The following NUP93 variants were observed in gnomAD, a reference collection of about 807,000 sequenced individuals.
The protein encoded by NUP93 is nucleoporin 93, also known as nuclear pore complex protein Nup93.
In NUP93, 55 loss-of-function variants were observed where a neutral mutation model predicts 107.8. The observed-to-expected ratio is 0.51, with a 90% CI of 0.41 to 0.64. The LOEUF (loss-of-function observed/expected upper bound fraction) is 0.64, where lower values mean the gene tolerates loss of function less well. Among genes scored for constraint, NUP93 ranks in the 30% least tolerant of loss-of-function variants. The pLI is 0.00. For synonymous variants in NUP93, 390 were observed against 397.5 expected (o/e 0.98, Z 0.22); for missense variants, 937 against 1,044.7 (o/e 0.90, Z 1.42).
intron 3 of NUP93, 28 bp downstream of exon 3, chr16:56,758,683 C>G: frequency 6.6e-7 from 1 of 1,518,334 alleles, no homozygotes; most frequent in African/African-American, 1.4e-5. Context: ...CAGGTGGAAC[C>G]CAGAGCATAT....
chr16:56,734,154 A>G (rs1961575484), intron 1 of NUP93, among the ~76,000 whole-genome samples: 2 of 152,270 alleles, frequency 1.3e-5, no homozygotes, highest in African/African-American at 2.4e-5. Context: ...TTGATAACAT[A>G]CTACCAACGA....
At chr16:56,745,857 C>T (rs1961812434) in intron 1 of NUP93, among the ~76,000 whole-genome samples, 1 of 152,048 alleles carries the variant, frequency 6.6e-6, no homozygotes, top group African/African-American at 2.4e-5. Context: ...TTTATTAGAC[C>T]ATGTTAAAGT....
chr16:56,794,258 A>C (rs1271990416), intron 3 of NUP93, among the ~76,000 whole-genome samples: 1 of 152,118 alleles, frequency 6.6e-6, no homozygotes, highest in African/African-American at 2.4e-5. Flanking sequence ...TAAAATTCAA[A>C]ATCTATTTTG....
chr16:56,815,859 ACTGCTACTG>A (rs1567402492), intron 5 of NUP93, among the ~76,000 whole-genome samples: 1 of 84,942 alleles, frequency 1.2e-5, no homozygotes, highest in East Asian at 2.9e-4. Context: ...TCCAGCTACT[ACTGCTACTG>A]CTGCTGCTGC....
chr16:56,779,505 C>T (rs1355828093), intron 3 of NUP93, among the ~76,000 whole-genome samples: 4 of 152,126 alleles, frequency 2.6e-5, no homozygotes, highest in East Asian at 3.8e-4. Flanking sequence ...CAGTTAGTGA[C>T]GAGTAAGTAG....
intron 3 of NUP93, among the ~76,000 whole-genome samples, chr16:56,780,290 G>A (rs1962489775): frequency 6.6e-6 from 1 of 152,202 alleles, no homozygotes; most frequent in Non-Finnish European, 1.5e-5. Flanking sequence ...GTTAGGGTAA[G>A]AAAACTAGAA....
chr16:56,797,265 A>G (rs1962921550), intron 3 of NUP93, among the ~76,000 whole-genome samples: 1 of 152,234 alleles, frequency 6.6e-6, no homozygotes, highest in South Asian at 2.1e-4. Flanking sequence ...GTGATTTTAG[A>G]CATGTATAAA....
chr16:56,840,532 A>C (rs1027951477), intron 20 of NUP93, among the ~76,000 whole-genome samples: 1 of 152,200 alleles, frequency 6.6e-6, no homozygotes. Context: ...GCTGCAGCCC[A>C]GACCTCCCCC....
intron 1 of NUP93, among the ~76,000 whole-genome samples, chr16:56,737,311 G>A (rs1306003798): frequency 6.6e-6 from 1 of 152,124 alleles, no homozygotes; most frequent in African/African-American, 2.4e-5. Context: ...GAGGTAGGTG[G>A]AGGAAAGCAA....
At chr16:56,811,185 A>G (rs563589604) in intron 5 of NUP93, among the ~76,000 whole-genome samples, 1 of 152,196 alleles carries the variant, frequency 6.6e-6, no homozygotes, top group African/African-American at 2.4e-5. Flanking sequence ...GATACTGCCA[A>G]ACTGTTTTCC....
At chr16:56,757,692 A>C (rs1233483831) in intron 2 of NUP93, among the ~76,000 whole-genome samples, 3 of 152,166 alleles carry the variant, frequency 2.0e-5, no homozygotes. Context: ...ACAGCCTCCT[A>C]TATTATTAGA....
At chr16:56,753,097 C>T (rs541008422) in intron 2 of NUP93, among the ~76,000 whole-genome samples, 61 of 152,170 alleles carry the variant, frequency 4.0e-4, no homozygotes, top group African/African-American at 1.3e-3. Context: ...ACTCATTGAT[C>T]GCCTTTGGAG....
chr16:56,844,172 A>G (rs531130627), intron 21 of NUP93, among the ~76,000 whole-genome samples: 2 of 152,224 alleles, frequency 1.3e-5, no homozygotes, highest in Non-Finnish European at 2.9e-5. Context: ...TGGAGCAGGC[A>G]GTTCTGAAGC....
intron 1 of NUP93, among the ~76,000 whole-genome samples, chr16:56,733,763 CT>C (rs1371924342): frequency 6.6e-6 from 1 of 152,134 alleles, no homozygotes; most frequent in East Asian, 1.9e-4. Flanking sequence ...ACTTATTTGC[CT>C]TGTATTAATG....
At chr16:56,817,214 G>A (rs1034532783) in intron 5 of NUP93, among the ~76,000 whole-genome samples, 24 of 152,130 alleles carry the variant, frequency 1.6e-4, no homozygotes, top group African/African-American at 5.8e-4. Context: ...ATCTGAGGAG[G>A]TGCTTTGCTT....
chr16:56,730,838 C>T (rs1961522985), intron 1 of NUP93, among the ~76,000 whole-genome samples: 1 of 152,204 alleles, frequency 6.6e-6, no homozygotes, highest in Admixed American at 6.5e-5. Flanking sequence ...GGGGCCGACC[C>T]CATGGGTCCT....
intron 15 of NUP93, 76 bp from the exon 16 acceptor site, chr16:56,834,658 C>CT (rs1423028266): frequency 1.0e-5 from 14 of 1,381,314 alleles, no homozygotes; most frequent in East Asian, 2.3e-5. Flanking sequence ...TGATTCCCCT[C>CT]TTTTTTCTCT....
At chr16:56,844,061 C>T (rs1344655075) in intron 21 of NUP93, among the ~76,000 whole-genome samples, 2 of 152,304 alleles carry the variant, frequency 1.3e-5, no homozygotes, top group East Asian at 1.9e-4. Flanking sequence ...CAGTCACAGC[C>T]CTTGCCTCCG....
rs191785024 is a variant in NUP93, at chr16:56,837,539, G to A, written c.1900-69G>A. On this transcript the variant is annotated intron_variant, in intron 17 of 21. Coordinates refer to ENST00000308159, the MANE Select transcript of NUP93 (RefSeq NM_014669.5). ...GAAAGTTCTCTTTGGTGGGTAGGGGGCATTATATAGTTGTTCCTTTTATTG... is the reference window on the plus strand; with the variant it reads ...GAAAGTTCTCTTTGGTGGGTAGGGGACATTATATAGTTGTTCCTTTTATTG... 7.4e-5 allele frequency: 90 copies of A among 1,219,826 alleles called. No homozygotes were observed. In the African/African-American group the frequency reaches 9.5e-4, roughly 13 times the overall value. 75.6% of individuals were successfully genotyped at this position (1,219,826 alleles called of 1,614,324 possible).
Sources: gnomAD v4.1 joint callset for allele counts (sites outside exome capture counted in the v4.1 genomes callset) on GRCh38, gnomAD v4.1.1 for gene constraint, MANE v1.5 for transcripts, NCBI Gene and HGNC (gene_info 2026-07-23, HGNC 2026-07-21) for gene names.